Variants in ANKRD12 observed in about 807,000 individuals in gnomAD.
The protein encoded by ANKRD12 is ankyrin repeat domain-containing protein 12.
In ANKRD12, 85 loss-of-function variants were observed where a neutral mutation model predicts 183.4. That is an observed-to-expected ratio of 0.46 (90% confidence interval 0.39 to 0.56). ANKRD12 has a LOEUF of 0.56. ANKRD12 is among the 20% of genes least tolerant of loss of function. ANKRD12 has a pLI of 0.00. For missense variants in ANKRD12, 2,405 were observed against 2,357.1 expected, an observed-to-expected ratio of 1.02 and a Z score of -0.42; for synonymous variants, 914 against 800.2, an observed-to-expected ratio of 1.14 and a Z score of -2.40.
chr18:9,256,173 G>A lies in ANKRD12; in HGVS notation c.2906G>A (p.Ser969Asn). 1 of 1,561,042 alleles carries A rather than the reference G, an allele frequency of 6.4e-7. No homozygotes were observed. Among genetic ancestry groups the A allele is most frequent in the African/African-American group, 1.4e-5 (1 of 71,726 alleles). ...AAGGAAAAATCTAGAGATAAAGAAAGTATAAATATAACTAACTCCAAACAC... is the reference window on the plus strand; with the variant it reads ...AAGGAAAAATCTAGAGATAAAGAAAATATAAATATAACTAACTCCAAACAC... ...DKKEKSRDKE[S>N]INITNSKHIQ... is the part of the protein sequence containing the mutation. Residue 969 changes from serine to asparagine, a missense_variant, in exon 9 of 13, where the codon AGT (serine) becomes AAT (asparagine). By Grantham distance (46) the Ser-to-Asn change is conservative. This residue lies in a region of ANKRD12 where 1,983 missense variants were observed against 1,725.9 expected (regional missense o/e 1.15). Transcript: ENST00000262126.
rs1485634589 is a variant in ANKRD12 at position 9,284,552 on chromosome 18, A to G, written c.*3426A>G. 6.6e-6 allele frequency: 1 copy of G among 152,172 alleles called. No individual in the cohort carries two copies. Among genetic ancestry groups the G allele is most frequent in the African/African-American group, 2.4e-5 (1 of 41,436 alleles). 9.4% of individuals were successfully genotyped at this position (152,172 alleles called of 1,614,324 possible). On this transcript the variant is annotated 3_prime_UTR_variant, in exon 13 of 13. Coordinates refer to ENST00000262126, the MANE Select transcript of ANKRD12 (RefSeq NM_015208.5). ...ATTATTTTTAAATATTTAGGGCAAA[A>G]TTTTTGTTAGATAATAATGGAAAAG...
At chr18:9,196,567 C>G (rs918581496) in intron 3 of ANKRD12, among the ~76,000 whole-genome samples, 8 of 152,112 alleles carry the variant, frequency 5.3e-5, no homozygotes, top group Non-Finnish European at 1.5e-5. Flanking sequence ...TTTTAATTGT[C>G]AGTTCAGAAA....
chr18:9,174,110 G>T (rs891058306), intron 1 of ANKRD12, among the ~76,000 whole-genome samples: 4 of 152,212 alleles, frequency 2.6e-5, no homozygotes, highest in Non-Finnish European at 5.9e-5. Context: ...GTGCTGCCCT[G>T]TGAGGGACTC....
chr18:9,270,747 C>A (rs1189135021), intron 10 of ANKRD12, among the ~76,000 whole-genome samples: 2 of 152,028 alleles, frequency 1.3e-5, no homozygotes, highest in African/African-American at 4.8e-5. Flanking sequence ...GCACATGTAC[C>A]CTAAAACTTA....
intron 8 of ANKRD12, among the ~76,000 whole-genome samples, chr18:9,239,822 TATTA>T (rs1427206268): frequency 6.6e-6 from 1 of 152,232 alleles, no homozygotes; most frequent in Non-Finnish European, 1.5e-5. Context: ...TAACCAAGAT[TATTA>T]ATTTCAGAAC....
At chr18:9,138,700 T>C (rs1204793065) in intron 1 of ANKRD12, among the ~76,000 whole-genome samples, 3 of 152,198 alleles carry the variant, frequency 2.0e-5, no homozygotes, top group African/African-American at 7.2e-5. Flanking sequence ...ATGAGGATAG[T>C]GTCCACCGTG....
chr18:9,208,222 A>G (rs181642896), intron 4 of ANKRD12, among the ~76,000 whole-genome samples: 11 of 152,324 alleles, frequency 7.2e-5, no homozygotes, highest in East Asian at 1.9e-4. Flanking sequence ...GGAAGTTTGT[A>G]TAAATCATTG....
chr18:9,214,881 A>G (rs540743090), intron 6 of ANKRD12, among the ~76,000 whole-genome samples: 2 of 152,292 alleles, frequency 1.3e-5, no homozygotes, highest in South Asian at 2.1e-4. Context: ...TGCGAATGCA[A>G]GATTGCTATA....
chr18:9,265,294 C>G (rs2039221192), intron 10 of ANKRD12, among the ~76,000 whole-genome samples: 1 of 152,356 alleles, frequency 6.6e-6, no homozygotes, highest in African/African-American at 2.4e-5. Context: ...TCCCAGCACA[C>G]AGCTGGAGAT....
chr18:9,183,630 T>G (rs370239402), intron 2 of ANKRD12, among the ~76,000 whole-genome samples: 10 of 152,310 alleles, frequency 6.6e-5, no homozygotes, highest in Admixed American at 3.3e-4. Flanking sequence ...CCTTAGGACT[T>G]TCTACATATG....
At chr18:9,271,912 G>T (rs1234432861) in intron 10 of ANKRD12, among the ~76,000 whole-genome samples, 3 of 152,112 alleles carry the variant, frequency 2.0e-5, no homozygotes, top group African/African-American at 7.2e-5. Context: ...GTTTCTTGAG[G>T]GTGTGAGGAC....
intron 10 of ANKRD12, among the ~76,000 whole-genome samples, chr18:9,271,874 G>A (rs1033982536): frequency 6.6e-6 from 1 of 152,126 alleles, no homozygotes; most frequent in East Asian, 1.9e-4. Flanking sequence ...CAAGTTCACC[G>A]ACTACCCTAC....
chr18:9,262,109 G>A (rs979914103), intron 9 of ANKRD12, among the ~76,000 whole-genome samples: 2 of 152,186 alleles, frequency 1.3e-5, no homozygotes, highest in African/African-American at 2.4e-5. Flanking sequence ...TCTTTGTGGT[G>A]TTATTTAACA....
chr18:9,186,721 A>G (rs1348950540), intron 2 of ANKRD12, among the ~76,000 whole-genome samples: 2 of 144,782 alleles, frequency 1.4e-5, no homozygotes, highest in African/African-American at 2.6e-5. Flanking sequence ...ATTCATGTGT[A>G]TATTTGCAAT....
In ANKRD12 at chr18:9,188,307, T is replaced by C. The variant is rs548089546; in HGVS notation, c.87+5788T>C. Reference sequence around the variant, plus strand: ...TGGGCAGTAAGTCTGCCTGAACTTTTCCCTAGAAGGAGACATTATTACACT... The same window carrying C: ...TGGGCAGTAAGTCTGCCTGAACTTTCCCCTAGAAGGAGACATTATTACACT... On this transcript the variant is annotated intron_variant, in intron 2 of 12. Transcript: ENST00000262126. Among the ~76,000 whole-genome samples, 11 of 152,336 alleles carry C rather than the reference T, an allele frequency of 7.2e-5. No individual in the cohort carries two copies. The South Asian group carries it at 2.3e-3, about 32-fold the overall frequency.
chr18:9,165,494 T>G (rs1433770213), intron 1 of ANKRD12, among the ~76,000 whole-genome samples: 1 of 152,130 alleles, frequency 6.6e-6, no homozygotes, highest in Non-Finnish European at 1.5e-5. Context: ...TTCATACCAA[T>G]TGAACACTGA....
chr18:9,175,694 AT>A (rs2033208386), intron 1 of ANKRD12, among the ~76,000 whole-genome samples: 1 of 151,550 alleles, frequency 6.6e-6, no homozygotes, highest in Non-Finnish European at 1.5e-5. Flanking sequence ...TGCCCAGCTA[AT>A]TTTTTGTATT....
At chr18:9,223,463 A>C (rs978500482) in intron 8 of ANKRD12, among the ~76,000 whole-genome samples, 29 of 151,956 alleles carry the variant, frequency 1.9e-4, no homozygotes, top group Admixed American at 2.6e-4. Flanking sequence ...ACAAAAAAAA[A>C]CCCAAAACCA....
intron 1 of ANKRD12, among the ~76,000 whole-genome samples, chr18:9,155,521 A>G (rs1448922936): frequency 2.0e-5 from 3 of 152,180 alleles, no homozygotes; most frequent in Non-Finnish European, 4.4e-5. Context: ...GTGCGTTTAA[A>G]TTTTTATGGT....
Sources: gnomAD v4.1 joint callset for allele counts (sites outside exome capture counted in the v4.1 genomes callset) on GRCh38, gnomAD v4.1.1 for gene constraint, gnomAD v4.1.1 regional missense constraint, MANE v1.5 for transcripts, NCBI Gene and HGNC (gene_info 2026-07-23, HGNC 2026-07-21) for gene names.